Variants in L3MBTL1 observed in about 807,000 individuals in gnomAD.
L3MBTL1 encodes the protein L3MBTL histone methyl-lysine binding protein 1.
In L3MBTL1, 75 loss-of-function variants were observed where a neutral mutation model predicts 105.3. The observed-to-expected ratio is 0.71, with a 90% CI of 0.59 to 0.86. The LOEUF (loss-of-function observed/expected upper bound fraction) is 0.86. Ranked by LOEUF, L3MBTL1 falls within the 40% of genes least tolerant of loss-of-function variation. The pLI is 0.00. For synonymous variants in L3MBTL1, 452 were observed against 436.2 expected (o/e 1.04, Z -0.45); for missense variants, 1,069 against 1,126.4 (o/e 0.95, Z 0.73).
At chr20:43,514,907 C>T (rs1379679655) in intron 4 of L3MBTL1, 102 bp from the exon 5 acceptor site, 9 of 1,477,650 alleles carry the variant, frequency 6.1e-6, no homozygotes, top group African/African-American at 1.4e-5. Flanking sequence ...CCATCCGATG[C>T]GGAGATGGAC....
intron 10 of L3MBTL1, 41 bp downstream of exon 10, chr20:43,530,460 C>T (rs766969116): frequency 1.3e-6 from 2 of 1,594,684 alleles, no homozygotes; most frequent in South Asian, 1.1e-5. Context: ...GCAGTGAGTC[C>T]TCAGACCCTT....
In L3MBTL1 at chr20:43,514,777, G is replaced by T. The variant is rs1176599534; in HGVS notation, c.502+1G>T. 1 of 1,546,488 alleles carries T rather than the reference G, an allele frequency of 6.5e-7. No homozygotes were observed. Among genetic ancestry groups the T allele is most frequent in the Admixed American group, 2.0e-5 (1 of 50,662 alleles). On this transcript the variant is annotated splice_donor_variant, in intron 4 of 21. Coordinates refer to ENST00000418998, the MANE Select transcript of L3MBTL1 (RefSeq NM_001377303.1). LOFTEE classifies it high-confidence loss of function. ...GGCGAGGCGGGCCCCCAACAGGCGG[G>T]TAGGAGCCCCGCTCCCCAGGCCCTG...
chr20:43,539,984 G>A lies in L3MBTL1; in HGVS notation c.2174-167G>A, dbSNP rs2019826754. ...ACCAGCAGGAGTGAACACTGTGTGAGGAGTCAGGAGATACGGCTCACCCTC... is the reference window on the plus strand; with the variant it reads ...ACCAGCAGGAGTGAACACTGTGTGAAGAGTCAGGAGATACGGCTCACCCTC... On this transcript the variant is annotated intron_variant, in intron 19 of 21. Transcript: ENST00000418998. 4.2e-6 allele frequency: 3 copies of A among 717,538 alleles called. No homozygotes were observed. In the South Asian group the frequency reaches 4.7e-5, roughly 11 times the overall value. 44.4% of individuals were successfully genotyped at this position (717,538 alleles called of 1,614,324 possible). A position where few individuals can be genotyped will look rare whatever the true frequency, so the allele number is the denominator to read the frequency against.
At position 43,536,052 on chromosome 20, in the gene L3MBTL1, C is replaced by T. The variant is rs754569242; in HGVS notation, c.1926-45C>T. Reference sequence around the variant, plus strand: ...GGGACCAGGGCTGAGGAGGGCTCAGCGGGGACCAGTGGATTAAACCCAACT... The same window carrying T: ...GGGACCAGGGCTGAGGAGGGCTCAGTGGGGACCAGTGGATTAAACCCAACT... On this transcript the variant is annotated intron_variant, in intron 17 of 21. Transcript: ENST00000418998. 2.2e-5 allele frequency: 36 copies of T among 1,605,118 alleles called. No homozygotes were observed. The Admixed American group carries it at 4.9e-4, about 22-fold the overall frequency.
intron 8 of L3MBTL1, 110 bp from the exon 9 acceptor site, chr20:43,529,154 T>A: frequency 1.4e-6 from 1 of 734,032 alleles, no homozygotes; most frequent in Non-Finnish European, 2.4e-6. Flanking sequence ...AGTTGCCCCT[T>A]TGGAAATACC....
At chr20:43,534,117 A>G (rs375717255) in intron 14 of L3MBTL1, 24 bp downstream of exon 14, 48 of 1,599,578 alleles carry the variant, frequency 3.0e-5, no homozygotes, top group Non-Finnish European at 3.9e-5. Flanking sequence ...CCCTGACCCC[A>G]GAGCTGAGCT....
In L3MBTL1 at chr20:43,522,456, A is replaced by ATTTTTTTTTTTTTTTTTTTTTTTTTT. The variant is rs778355165; in HGVS notation, c.863-6201_863-6200insTTTTTTTTTTTTTTTTTTTTTTTTTT. Reference sequence around the variant, plus strand: ...ATGGTAACTGAATTTTTCCCTGCTAAGTTTTTTTTTTTTTTTTTTTTTTTT... The same window carrying ATTTTTTTTTTTTTTTTTTTTTTTTTT: ...ATGGTAACTGAATTTTTCCCTGCTAATTTTTTTTTTTTTTTTTTTTTTTTTTGTTTTTTTTTTTTTTTTTTTTTTTT... On this transcript the variant is annotated intron_variant, in intron 7 of 21. Coordinates refer to ENST00000418998, the MANE Select transcript of L3MBTL1 (RefSeq NM_001377303.1). 1.0e-4 allele frequency among the ~76,000 whole-genome samples: 9 copies of ATTTTTTTTTTTTTTTTTTTTTTTTTT among 89,874 alleles called. 3 individuals are homozygous for ATTTTTTTTTTTTTTTTTTTTTTTTTT. Among genetic ancestry groups the ATTTTTTTTTTTTTTTTTTTTTTTTTT allele is most frequent in the Non-Finnish European group, 1.2e-4 (5 of 43,202 alleles). 59.0% of individuals were successfully genotyped at this position (89,874 alleles called of 152,430 possible).
chr20:43,545,986 C>G (rs1439481240), downstream of L3MBTL1, among the ~76,000 whole-genome samples: 1 of 152,234 alleles, frequency 6.6e-6, no homozygotes, highest in Admixed American at 6.5e-5. Flanking sequence ...TTCATTCTTT[C>G]TGGATTTACT....
chr20:43,529,020 C>A, intron 8 of L3MBTL1: 1 of 601,338 alleles, frequency 1.7e-6, no homozygotes, highest in South Asian at 2.0e-5. Flanking sequence ...CAGCATTGAT[C>A]TTTCCATGAC....
At position 43,514,592 on chromosome 20, in the gene L3MBTL1, A is replaced by G. The variant is rs200654259; in HGVS notation, c.361-43A>G. 161 of 1,598,484 alleles carry G rather than the reference A, an allele frequency of 1.0e-4. 1 individual carries two copies. Among genetic ancestry groups the G allele is most frequent in the Non-Finnish European group, 8.5e-6 (10 of 1,172,528 alleles). ...GCACCGACTCCGAGATGGGTCAAGG[A>G]CCCGTACGGGAGTCGCAATCCTCAG... On this transcript the variant is annotated intron_variant, in intron 3 of 21. Coordinates refer to ENST00000418998, the MANE Select transcript of L3MBTL1 (RefSeq NM_001377303.1).
intron 1 of L3MBTL1, among the ~76,000 whole-genome samples, chr20:43,510,964 T>C (rs1049515318): frequency 6.6e-6 from 1 of 152,134 alleles, no homozygotes; most frequent in Non-Finnish European, 1.5e-5. Flanking sequence ...GCTCAAGCAG[T>C]CCTCCCACCT....
At chr20:43,539,543 G>A (rs1325923754) in intron 19 of L3MBTL1, 1 of 169,232 alleles carries the variant, frequency 5.9e-6, no homozygotes, top group African/African-American at 2.4e-5. Flanking sequence ...GAGCTGGGGA[G>A]TGGGTCAGGG....
chr20:43,521,506 T>C (rs775323657), intron 7 of L3MBTL1, among the ~76,000 whole-genome samples: 12 of 151,580 alleles, frequency 7.9e-5, no homozygotes, highest in Non-Finnish European at 1.3e-4. Flanking sequence ...GCTAAGAGAG[T>C]GTGGTAAGAA....
chr20:43,531,146 C>A, intron 11 of L3MBTL1: 1 of 502,756 alleles, frequency 2.0e-6, no homozygotes, highest in Non-Finnish European at 3.5e-6. Context: ...CCTTGGAGCC[C>A]CTGGCCCACT....
chr20:43,530,624 T>C, intron 10 of L3MBTL1, 174 bp from the exon 11 acceptor site: 1 of 779,764 alleles, frequency 1.3e-6, no homozygotes, highest in Non-Finnish European at 2.1e-6. Context: ...CACTTGCCCT[T>C]TGAGTGTCTA....
In L3MBTL1 at chr20:43,541,893, T is replaced by G. The variant is rs2019932790; in HGVS notation, c.*765T>G. The G allele has an allele frequency of 1.0e-6, 1 of 985,344 alleles. No individual in the cohort carries two copies. The highest frequency in any genetic ancestry group is 1.2e-6 in the Non-Finnish European group (1 of 829,946). The allele number at this position is 985,344 out of a possible 1,614,324, so 61.0% of individuals were successfully genotyped here. A position where few individuals can be genotyped will look rare whatever the true frequency, so the allele number is the denominator to read the frequency against. On this transcript the variant is annotated 3_prime_UTR_variant, in exon 22 of 22. Transcript: ENST00000418998. Reference sequence around the variant, plus strand: ...ACACAATAAACACCAGTTTTGACTTTTAGTGCATAGTTGTCCTTAAGTAAA... The same window carrying G: ...ACACAATAAACACCAGTTTTGACTTGTAGTGCATAGTTGTCCTTAAGTAAA...
At chr20:43,532,492 C>A in intron 11 of L3MBTL1, 1 of 367,404 alleles carries the variant, frequency 2.7e-6, no homozygotes, top group Non-Finnish European at 4.9e-6. Flanking sequence ...CTTGGTTCAC[C>A]AGGTTCTTTG....
chr20:43,534,449 T>C, intron 15 of L3MBTL1, 55 bp downstream of exon 15: 5 of 1,416,910 alleles, frequency 3.5e-6, no homozygotes, highest in Non-Finnish European at 5.0e-6. Flanking sequence ...GCAGGAATTC[T>C]GTAGACTGTT....
chr20:43,544,196 C>T (rs1385314640), downstream of L3MBTL1, among the ~76,000 whole-genome samples: 2 of 152,180 alleles, frequency 1.3e-5, no homozygotes, highest in South Asian at 2.1e-4. Flanking sequence ...GTAGACCACA[C>T]CTTTCTGCTG....
Sources: allele counts gnomAD v4.1 joint callset (sites outside exome capture counted in the v4.1 genomes callset), GRCh38; gene constraint gnomAD v4.1.1; transcripts MANE v1.5; gene names NCBI Gene and HGNC (gene_info 2026-07-23, HGNC 2026-07-21).